Variants in CLMP observed in about 807,000 individuals in gnomAD.
CLMP encodes CXADR like cell adhesion molecule, also known as CXADR-like membrane protein.
A neutral mutation model predicts 45.2 loss-of-function variants in CLMP; 27 were observed. That is an observed-to-expected ratio of 0.60 (90% CI 0.44 to 0.82). The LOEUF (loss-of-function observed/expected upper bound fraction) is 0.82. Among genes scored for constraint, CLMP ranks in the 40% least tolerant of loss-of-function variants. The pLI, the probability that CLMP is intolerant of heterozygous loss-of-function variation, is 0.00. For synonymous variants in CLMP, 167 were observed against 171.4 expected (o/e 0.97, Z 0.20); for missense variants, 403 against 448.4 (o/e 0.90, Z 0.91).
At chr11:123,101,158 G>A (rs766833828) in intron 1 of CLMP, among the ~76,000 whole-genome samples, 1 of 152,196 alleles carries the variant, frequency 6.6e-6, no homozygotes, top group Non-Finnish European at 1.5e-5. Flanking sequence ...ACCCAGGCTG[G>A]AGTGCAGTGG....
At chr11:123,113,562 T>C (rs1860673125) in intron 1 of CLMP, among the ~76,000 whole-genome samples, 1 of 152,182 alleles carries the variant, frequency 6.6e-6, no homozygotes, top group Non-Finnish European at 1.5e-5. Flanking sequence ...CCTTAGTGAT[T>C]AGCAAACCAG....
At chr11:123,142,892 C>T (rs1471944301) in intron 1 of CLMP, among the ~76,000 whole-genome samples, 1 of 152,062 alleles carries the variant, frequency 6.6e-6, no homozygotes, top group Non-Finnish European at 1.5e-5. Context: ...TCCCAAAGTG[C>T]TGGGACTACA....
intron 1 of CLMP, among the ~76,000 whole-genome samples, chr11:123,109,217 G>T (rs1860604131): frequency 6.6e-6 from 1 of 152,142 alleles, no homozygotes; most frequent in South Asian, 2.1e-4. Context: ...ATGGTGTTAA[G>T]AATACAAAGG....
chr11:123,086,822 G>A (rs924379736), intron 2 of CLMP, among the ~76,000 whole-genome samples: 1 of 152,172 alleles, frequency 6.6e-6, no homozygotes, highest in African/African-American at 2.4e-5. Context: ...TGAGGCTATA[G>A]TGAGCCAAGA....
intron 1 of CLMP, among the ~76,000 whole-genome samples, chr11:123,169,832 TG>T (rs1202817667): frequency 6.6e-6 from 1 of 152,098 alleles, no homozygotes; most frequent in African/African-American, 2.4e-5. Context: ...AAGCCGGTGT[TG>T]GGGGGTTTGT....
At chr11:123,137,041 C>A (rs986748944) in intron 1 of CLMP, among the ~76,000 whole-genome samples, 1 of 152,060 alleles carries the variant, frequency 6.6e-6, no homozygotes, top group African/African-American at 2.4e-5. Context: ...TTTCCCGAGC[C>A]CCGTATGTTT....
At chr11:123,079,379 T>G (rs1029534627) in intron 5 of CLMP, among the ~76,000 whole-genome samples, 1 of 152,206 alleles carries the variant, frequency 6.6e-6, no homozygotes, top group African/African-American at 2.4e-5. Flanking sequence ...AAAGGATTTT[T>G]GGGGGCCTCT....
In CLMP at chr11:123,123,313, G is replaced by A. The variant is rs563434477; in HGVS notation, c.29-25361C>T. 4.2e-5 allele frequency among the ~76,000 whole-genome samples: 6 copies of A among 142,526 alleles called. No individual in the cohort carries two copies. In the East Asian group the frequency reaches 1.2e-3, roughly 29 times the overall value. The allele number at this position is 142,526 out of a possible 152,430, so 93.5% of individuals were successfully genotyped here. A position where few individuals can be genotyped will look rare whatever the true frequency, so the allele number is the denominator to read the frequency against. On this transcript the variant is annotated intron_variant, in intron 1 of 6. Coordinates refer to ENST00000448775, the MANE Select transcript of CLMP (RefSeq NM_024769.5). ...CTTGCTCTGTCACTCAGGTTGGAGT[G>A]CAGTGGTGTGATCTTGGCTCACTGC...
At chr11:123,075,885 T>C (rs185080379) in intron 5 of CLMP, among the ~76,000 whole-genome samples, 12 of 152,114 alleles carry the variant, frequency 7.9e-5, no homozygotes, top group Admixed American at 1.3e-4. Context: ...GTAAGAAAAT[T>C]TTTTTGGCTG....
intron 1 of CLMP, among the ~76,000 whole-genome samples, chr11:123,175,186 C>T (rs71490003): frequency 6.6e-6 from 1 of 152,068 alleles, no homozygotes; most frequent in Admixed American, 6.6e-5. Flanking sequence ...TAAAGAACTT[C>T]CCTGAGACTG....
chr11:123,189,927 G>A lies in CLMP; in HGVS notation c.28+4986C>T, dbSNP rs140286666. Among the ~76,000 whole-genome samples, 968 of 150,980 alleles carry A rather than the reference G, an allele frequency of 6.4e-3. 6 individuals are homozygous for A. The highest frequency in any genetic ancestry group is 0.02 in the African/African-American group (796 of 40,750). ...TGAGGCAGGAGAATCGCTTGAACTC[G>A]GAAGGCAGGGGTTGCAGTGAGTGGA... On this transcript the variant is annotated intron_variant, in intron 1 of 6. Transcript: ENST00000448775.
chr11:123,080,823 C>T (rs368022323), intron 5 of CLMP, among the ~76,000 whole-genome samples: 8 of 151,990 alleles, frequency 5.3e-5, no homozygotes, highest in African/African-American at 7.2e-5. Flanking sequence ...ATACTGATTC[C>T]GACAAATTAA....
chr11:123,181,424 A>C (rs531155943), intron 1 of CLMP, among the ~76,000 whole-genome samples: 4 of 152,272 alleles, frequency 2.6e-5, no homozygotes, highest in Non-Finnish European at 2.9e-5. Context: ...CTTTCGCCTC[A>C]TGGTAGATAT....
chr11:123,086,182 G>A (rs1372952843), intron 2 of CLMP, among the ~76,000 whole-genome samples: 5 of 152,220 alleles, frequency 3.3e-5, no homozygotes, highest in African/African-American at 9.6e-5. Context: ...AAAGTGCTGG[G>A]ATTACAGGTG....
At chr11:123,180,787 G>A (rs1031700181) in intron 1 of CLMP, among the ~76,000 whole-genome samples, 6 of 152,150 alleles carry the variant, frequency 3.9e-5, no homozygotes, top group East Asian at 1.9e-4. Flanking sequence ...GCCATCTGGG[G>A]AAAGAGCATT....
At chr11:123,112,103 C>G (rs189051553) in intron 1 of CLMP, among the ~76,000 whole-genome samples, 1 of 151,978 alleles carries the variant, frequency 6.6e-6, no homozygotes, top group African/African-American at 2.4e-5. Flanking sequence ...GAAAAGGCAA[C>G]GAGGAACGGA....
intron 5 of CLMP, among the ~76,000 whole-genome samples, chr11:123,080,047 C>G (rs1369991667): frequency 2.0e-5 from 3 of 152,200 alleles, no homozygotes; most frequent in Non-Finnish European, 1.5e-5. Flanking sequence ...ATGGCTCATT[C>G]ACATGGCTGT....
rs1311009004 is a variant in CLMP at position 123,070,507 on chromosome 11, CAT to C, written c.*2965_*2966del. Reference sequence around the variant, plus strand: ...GGTATTTTAGCATTCTGGTAACTAACATGTTTAAAAATCTAAGGCTCTTTTTC... The same window carrying C: ...GGTATTTTAGCATTCTGGTAACTAACGTTTAAAAATCTAAGGCTCTTTTTC... On this transcript the variant is annotated 3_prime_UTR_variant, in exon 7 of 7. Transcript: ENST00000448775. The C allele has an allele frequency of 9.2e-5, 14 of 152,270 alleles. No individual in the cohort carries two copies. Among genetic ancestry groups the C allele is most frequent in the African/African-American group, 3.1e-4 (13 of 41,554 alleles). 9.4% of individuals were successfully genotyped at this position (152,270 alleles called of 1,614,324 possible). A position where few individuals can be genotyped will look rare whatever the true frequency, so the allele number is the denominator to read the frequency against.
At chr11:123,111,529 C>T (rs1331369849) in intron 1 of CLMP, among the ~76,000 whole-genome samples, 1 of 152,188 alleles carries the variant, frequency 6.6e-6, no homozygotes, top group Non-Finnish European at 1.5e-5. Context: ...AGAACTGGCC[C>T]ATCCAACTAC....
Sources: gnomAD v4.1 joint callset for allele counts (sites outside exome capture counted in the v4.1 genomes callset) on GRCh38, gnomAD v4.1.1 for gene constraint, MANE v1.5 for transcripts, NCBI Gene and HGNC (gene_info 2026-07-23, HGNC 2026-07-21) for gene names.